ACKR3: variants seen among roughly 807,000 people sequenced by gnomAD.
ACKR3 encodes C-X-C chemokine receptor type 7.
ACKR3 carries 6 observed loss-of-function variants against 22.4 expected under a neutral mutation model. The observed-to-expected ratio is 0.27, with a 90% CI of 0.15 to 0.53. ACKR3 has a LOEUF of 0.53. Ranked by LOEUF, ACKR3 falls within the 20% of genes least tolerant of loss-of-function variation. The probability of loss-of-function intolerance (pLI) is 0.96; values close to 1 mark genes in which losing one functional copy is unlikely to be tolerated. For missense variants in ACKR3, 396 were observed against 475.2 expected (o/e 0.83, Z 1.55); for synonymous variants, 209 against 205.2 (o/e 1.02, Z -0.16).
upstream of ACKR3, among the ~76,000 whole-genome samples, chr2:236,563,844 C>T (rs910222283): frequency 6.6e-5 from 10 of 152,288 alleles, no homozygotes; most frequent in African/African-American, 2.2e-4. Context: ...TTACTGCAGC[C>T]GCTGTGCCCC....
chr2:236,539,026 C>T, the ACKR3 span, among the ~76,000 whole-genome samples: 1 of 152,078 alleles, frequency 6.6e-6, no homozygotes, highest in Non-Finnish European at 1.5e-5. Context: ...ATGCAGTATG[C>T]CTTCTTTTGT....
At chr2:236,550,805 T>A in the ACKR3 span, among the ~76,000 whole-genome samples, 1 of 152,210 alleles carries the variant, frequency 6.6e-6, no homozygotes, top group Non-Finnish European at 1.5e-5. The surrounding 1 kb of genome is among the most constrained non-coding windows in gnomAD (Gnocchi z 4.6). Flanking sequence ...GGCTACTCAA[T>A]ACATATTTCT....
chr2:236,570,024 T>C (rs1691276203), intron 1 of ACKR3, 100 bp downstream of exon 1: 1 of 152,188 alleles, frequency 6.6e-6, no homozygotes, highest in African/African-American at 2.4e-5. Flanking sequence ...TTAAAATCGC[T>C]CAGATGGGTG....
chr2:236,580,701 C>T lies in ACKR3; in HGVS notation c.236C>T (p.Thr79Met), dbSNP rs200095631. ...CAGGCCAAGACCACAGGCTATGACA[C>T]GCACTGCTACATCTTGAACCTGGCC... ...NIQAKTTGYD[T>M]HCYILNLAIA... Residue 79 changes from threonine (T) to methionine (M), a missense_variant, in exon 2 of 2, where the codon ACG (threonine) becomes ATG (methionine). By Grantham distance (81) the Thr-to-Met change is moderately conservative (BLOSUM62 -1). Transcript: ENST00000272928. The T allele has an allele frequency of 3.4e-5, 55 of 1,614,198 alleles. No homozygotes were observed. The highest frequency in any genetic ancestry group is 2.9e-4 in the East Asian group (13 of 44,872).
chr2:236,568,825 A>C (rs1178163018), upstream of ACKR3, among the ~76,000 whole-genome samples: 1 of 152,230 alleles, frequency 6.6e-6, no homozygotes, highest in Non-Finnish European at 1.5e-5. Flanking sequence ...GCTCTGGAGA[A>C]GGCGTGAATA....
chr2:236,538,877 G>A, the ACKR3 span, among the ~76,000 whole-genome samples: 1 of 152,194 alleles, frequency 6.6e-6, no homozygotes. Flanking sequence ...ACTTAGCTGA[G>A]CATCCTGTAT....
chr2:236,573,273 G>A (rs1691345495), intron 1 of ACKR3, among the ~76,000 whole-genome samples: 2 of 152,194 alleles, frequency 1.3e-5, no homozygotes. Flanking sequence ...GATCTAACTT[G>A]CAGGCTCAGC....
In ACKR3 at chr2:236,581,177, G is replaced by A. The variant is rs1482649897; in HGVS notation, c.712G>A (p.Ala238Thr). 1 of 1,613,810 alleles carries A rather than the reference G, an allele frequency of 6.2e-7. No individual in the cohort carries two copies. The highest frequency in any genetic ancestry group is 2.2e-5 in the East Asian group (1 of 44,860). Residue 238 changes from alanine to threonine, a missense_variant, in exon 2 of 2, where the codon GCC becomes ACC. Physicochemically the swap from Ala to Thr is moderately conservative, Grantham distance 58 (BLOSUM62 0). Transcript: ENST00000272928. This position sits in a 1 kb window ranked among gnomAD's most constrained non-coding sequence, Gnocchi z 4.4. ...TGTCTTCTACTTCCTGCTGGCCAGAGCCATCTCGGCGTCCAGTGACCAGGA... is the reference window on the plus strand; with the variant it reads ...TGTCTTCTACTTCCTGCTGGCCAGAACCATCTCGGCGTCCAGTGACCAGGA... Reference protein sequence around the residue: ...IAVFYFLLARAISASSDQEKH... With the variant: ...IAVFYFLLARTISASSDQEKH...
chr2:236,566,829 A>G (rs1246228427), upstream of ACKR3, among the ~76,000 whole-genome samples: 1 of 139,736 alleles, frequency 7.2e-6, no homozygotes, highest in Non-Finnish European at 1.6e-5. Flanking sequence ...TCGGGTCGTC[A>G]TCTCTTTCCT....
At chr2:236,557,838 C>A in the ACKR3 span, among the ~76,000 whole-genome samples, 3 of 152,192 alleles carry the variant, frequency 2.0e-5, no homozygotes, top group Admixed American at 2.0e-4. Flanking sequence ...TGAGAACACA[C>A]CCTCACTTCT....
At chr2:236,573,799 A>G (rs759801177) in intron 1 of ACKR3, among the ~76,000 whole-genome samples, 1 of 152,174 alleles carries the variant, frequency 6.6e-6, no homozygotes, top group Admixed American at 6.5e-5. Context: ...CTCCAAAGCC[A>G]TGGCCTTGCT....
chr2:236,556,054 A>G, the ACKR3 span, among the ~76,000 whole-genome samples: 1 of 152,168 alleles, frequency 6.6e-6, no homozygotes, highest in Non-Finnish European at 1.5e-5. Context: ...ACAGAGGCTC[A>G]GAGTGGGGTG....
At chr2:236,553,321 T>C in the ACKR3 span, among the ~76,000 whole-genome samples, 1 of 152,180 alleles carries the variant, frequency 6.6e-6, no homozygotes. Context: ...ATGGAAGAGC[T>C]TGGCTCATCA....
chr2:236,574,648 C>T lies in ACKR3; in HGVS notation c.-27+4724C>T, dbSNP rs1691370726. ...GACATGCTGATTGCATACTCAGCCACCACCCATGAAGGCTCTAAACCTGAG... is the reference window on the plus strand; with the variant it reads ...GACATGCTGATTGCATACTCAGCCATCACCCATGAAGGCTCTAAACCTGAG... On this transcript the variant is annotated intron_variant, in intron 1 of 1. Transcript: ENST00000272928. This position sits in a 1 kb window ranked among gnomAD's most constrained non-coding sequence, Gnocchi z 5.6. 6.6e-6 allele frequency among the ~76,000 whole-genome samples: 1 copy of T among 152,146 alleles called. No homozygotes were observed. Among genetic ancestry groups the T allele is most frequent in the South Asian group, 2.1e-4 (1 of 4,826 alleles).
rs1691492633 is a variant in ACKR3, at chr2:236,580,353, G to A, written c.-26-87G>A. The A allele has an allele frequency of 5.5e-6, 8 of 1,461,682 alleles. No homozygotes were observed. The Admixed American group carries it at 6.6e-5, about 12-fold the overall frequency. 90.5% of individuals were successfully genotyped at this position (1,461,682 alleles called of 1,614,324 possible). ...AACAGCTGAGCCTATCAGGGCCTTG[G>A]AAAAGCATTTTTGCCTGAAACTTGA... On this transcript the variant is annotated intron_variant, in intron 1 of 1. Transcript: ENST00000272928.
upstream of ACKR3, among the ~76,000 whole-genome samples, chr2:236,564,865 G>A (rs1032118014): frequency 5.9e-5 from 9 of 152,206 alleles, no homozygotes; most frequent in East Asian, 1.7e-3. Context: ...GTCTCTCTGG[G>A]CCTCAGTTTC....
In ACKR3 at chr2:236,580,534, C is replaced by T. The variant is rs763337090; in HGVS notation, c.69C>T (p.Ser23=). 6.2e-7 allele frequency: 1 copy of T among 1,614,254 alleles called. No individual in the cohort carries two copies. The highest frequency in any genetic ancestry group is 1.1e-5 in the South Asian group (1 of 91,084). ...NFSDISWPCN[S]SDCIVVDTVM... ...CGGACATCAGCTGGCCATGCAACAGCAGCGACTGCATCGTGGTGGACACGG... is the reference window on the plus strand; with the variant it reads ...CGGACATCAGCTGGCCATGCAACAGTAGCGACTGCATCGTGGTGGACACGG... The change falls in exon 2 of 2, where the codon AGC becomes AGT. Residue 23 remains serine (S), a synonymous_variant. Transcript: ENST00000272928.
chr2:236,541,631 G>A, the ACKR3 span, among the ~76,000 whole-genome samples: 1 of 152,158 alleles, frequency 6.6e-6, no homozygotes, highest in Non-Finnish European at 1.5e-5. Flanking sequence ...CAGGGACCAC[G>A]TACACTTAAC....
At chr2:236,573,576 G>A (rs897597195) in intron 1 of ACKR3, among the ~76,000 whole-genome samples, 8 of 152,272 alleles carry the variant, frequency 5.3e-5, no homozygotes, top group Non-Finnish European at 4.4e-5. Flanking sequence ...AGCCAGTGAA[G>A]GAGGCAGAAG....
Sources: gnomAD v4.1 joint callset for allele counts (sites outside exome capture counted in the v4.1 genomes callset) on GRCh38, gnomAD v4.1.1 for gene constraint, Gnocchi (gnomAD v3.1) non-coding constraint, MANE v1.5 for transcripts, NCBI Gene and HGNC (gene_info 2026-07-23, HGNC 2026-07-21) for gene names.